The following ELF5 variants were observed in gnomAD, a reference collection of about 807,000 sequenced individuals.
ELF5 encodes the protein ETS-related transcription factor Elf-5.
ELF5 carries 31 observed loss-of-function variants against 38.2 expected under a neutral mutation model. The ratio of observed to expected loss-of-function variants is 0.81; its 90% confidence interval spans 0.61 to 1.10. ELF5 has a LOEUF of 1.10. Among genes scored for constraint, ELF5 ranks in the 50% least tolerant of loss-of-function variants. The pLI is 0.00. For synonymous variants in ELF5, 121 were observed against 112.5 expected, an observed-to-expected ratio of 1.08 and a Z score of -0.48; for missense variants, 300 against 306.6, an observed-to-expected ratio of 0.98 and a Z score of 0.16.
At chr11:34,501,580 C>G (rs968917593) in intron 2 of ELF5, among the ~76,000 whole-genome samples, 23 of 152,114 alleles carry the variant, frequency 1.5e-4, no homozygotes, top group East Asian at 7.7e-4. Flanking sequence ...AGCCTCCCCC[C>G]CAACCAACTC....
chr11:34,508,383 A>G (rs1014550838), intron 1 of ELF5, among the ~76,000 whole-genome samples: 23 of 152,132 alleles, frequency 1.5e-4, no homozygotes, highest in Non-Finnish European at 2.6e-4. Flanking sequence ...CATGCCTGCA[A>G]TCCCAGCTAC....
intron 1 of ELF5, among the ~76,000 whole-genome samples, chr11:34,507,246 G>GTC (rs1850633846): frequency 3.3e-5 from 5 of 152,208 alleles, no homozygotes; most frequent in Non-Finnish European, 1.5e-5. Context: ...GACGAGTGTG[G>GTC]ACCTGTGGTA....
At chr11:34,497,389 C>T (rs1475624145) in intron 2 of ELF5, among the ~76,000 whole-genome samples, 1 of 152,182 alleles carries the variant, frequency 6.6e-6, no homozygotes, top group African/African-American at 2.4e-5. Context: ...GCAGCAGGCT[C>T]TGCCAGCTCC....
rs762362520 is a variant in ELF5 at position 34,480,843 on chromosome 11, G to A, written c.600C>T (p.Ala200=). 1.2e-5 allele frequency: 19 copies of A among 1,613,858 alleles called. No individual in the cohort carries two copies. In the South Asian group the frequency reaches 1.6e-4, roughly 14 times the overall value. Reference sequence around the variant, plus strand: ...TCCTTTGTCCCCACATCTTTGCCAGGGCTTCCGATTTAACCACCCGAAAAA... The same window carrying A: ...TCCTTTGTCCCCACATCTTTGCCAGAGCTTCCGATTTAACCACCCGAAAAA... The part of the protein sequence containing the change: ...QGIFRVVKSE[A]LAKMWGQRKK... Residue 200 remains alanine, a synonymous_variant, in exon 6 of 7, where the codon GCC becomes GCT. Transcript: ENST00000257832.
At chr11:34,509,980 A>G (rs1369879862) in intron 1 of ELF5, among the ~76,000 whole-genome samples, 3 of 152,222 alleles carry the variant, frequency 2.0e-5, no homozygotes, top group Admixed American at 2.0e-4. Flanking sequence ...ATTGCTCTCA[A>G]AAGTCATTGG....
chr11:34,500,985 T>C (rs1273522194), intron 2 of ELF5, among the ~76,000 whole-genome samples: 1 of 152,198 alleles, frequency 6.6e-6, no homozygotes, highest in African/African-American at 2.4e-5. Flanking sequence ...GCTAAATTAT[T>C]TGTGCTTTCT....
intron 3 of ELF5, chr11:34,492,116 C>T (rs1345432053): frequency 6.6e-6 from 1 of 152,242 alleles, no homozygotes; most frequent in Non-Finnish European, 1.5e-5. Context: ...TAAATGGAGT[C>T]CCAAGCTCCT....
chr11:34,511,008 T>G (rs543110132), intron 1 of ELF5, among the ~76,000 whole-genome samples: 4 of 152,014 alleles, frequency 2.6e-5, no homozygotes, highest in Non-Finnish European at 5.9e-5. Flanking sequence ...CTCTTGCCCC[T>G]CTCCAAATCT....
At chr11:34,488,849 C>T (rs2133878902) in intron 4 of ELF5, among the ~76,000 whole-genome samples, 1 of 152,310 alleles carries the variant, frequency 6.6e-6, no homozygotes, top group Admixed American at 6.5e-5. Flanking sequence ...AGTAATGTCT[C>T]CCAGGCTTCA....
intron 4 of ELF5, among the ~76,000 whole-genome samples, chr11:34,486,337 G>A (rs1849996625): frequency 6.6e-6 from 1 of 152,096 alleles, no homozygotes; most frequent in East Asian, 1.9e-4. Flanking sequence ...GACAGGTGGA[G>A]AGAAGAGACC....
chr11:34,487,772 G>A (rs1164738143), intron 4 of ELF5, among the ~76,000 whole-genome samples: 1 of 152,014 alleles, frequency 6.6e-6, no homozygotes, highest in Non-Finnish European at 1.5e-5. Flanking sequence ...AATCTGAGCG[G>A]TTCAAGATGG....
At chr11:34,497,359 C>T (rs766895242) in intron 2 of ELF5, among the ~76,000 whole-genome samples, 2 of 152,158 alleles carry the variant, frequency 1.3e-5, no homozygotes, top group Non-Finnish European at 2.9e-5. Flanking sequence ...ATCTGAATGC[C>T]CATAGGTCAC....
At chr11:34,490,193 T>G in intron 3 of ELF5, 134 bp from the exon 4 acceptor site, 1 of 930,186 alleles carries the variant, frequency 1.1e-6, no homozygotes, top group Non-Finnish European at 1.7e-6. Context: ...GAGGGAACCT[T>G]GGAGACCATC....
chr11:34,501,175 C>T (rs1850457825), intron 2 of ELF5, among the ~76,000 whole-genome samples: 1 of 152,140 alleles, frequency 6.6e-6, no homozygotes, highest in Non-Finnish European at 1.5e-5. Context: ...CTGTGCTCTA[C>T]CGTCTTCAGA....
In ELF5 at chr11:34,505,833, C is replaced by T. The variant is rs73438743; in HGVS notation, c.-4-80G>A. 808 of 1,480,974 alleles carry T rather than the reference C, an allele frequency of 5.5e-4. 3 individuals are homozygous for T. In the African/African-American group the frequency reaches 9.6e-3, roughly 18 times the overall value. 91.7% of individuals were successfully genotyped at this position (1,480,974 alleles called of 1,614,324 possible). On this transcript the variant is annotated intron_variant, in intron 1 of 6. Coordinates refer to ENST00000257832, the MANE Select transcript of ELF5 (RefSeq NM_001422.4). ...CACTGTGCAGGAGCCCCTAGCAGGG[C>T]GATACTTGTTTTTTAAAAATGATAA...
chr11:34,478,915 A>G lies in ELF5; in HGVS notation c.*1303T>C, dbSNP rs975871811. 9 of 152,608 alleles carry G rather than the reference A, an allele frequency of 5.9e-5. No homozygotes were observed. Among genetic ancestry groups the G allele is most frequent in the Non-Finnish European group, 1.0e-4 (7 of 68,024 alleles). The allele number at this position is 152,608 out of a possible 1,614,324, so 9.5% of individuals were successfully genotyped here. The stretch of plus-strand genomic sequence containing the variant: ...TTAAAACAAGTTACTTTGAAGTTCA[A>G]CTCTAATAAGGAGGTCTTCAGCCTG... On this transcript the variant is annotated 3_prime_UTR_variant, in exon 7 of 7. Transcript: ENST00000257832.
Position 34,505,628 on chromosome 11 carries a change from C to A in ELF5, c.121+1G>T. The A allele has an allele frequency of 6.2e-7, 1 of 1,613,842 alleles. No individual in the cohort carries two copies. The stretch of plus-strand genomic sequence containing the variant: ...AGATGGGCTCCTTCAAATGTACGCA[C>A]CTGTCTGATGCTCAAAGGCAGGGTA... On this transcript the variant is annotated splice_donor_variant, in intron 2 of 6. Transcript: ENST00000257832. LOFTEE classifies it high-confidence loss of function.
intron 2 of ELF5, among the ~76,000 whole-genome samples, chr11:34,502,572 C>A (rs1166957143): frequency 6.6e-6 from 1 of 152,262 alleles, no homozygotes; most frequent in Admixed American, 6.5e-5. Flanking sequence ...GGTGCCCAGG[C>A]AGCTCCAAGA....
intron 1 of ELF5, among the ~76,000 whole-genome samples, chr11:34,510,412 A>G (rs560484290): frequency 2.0e-4 from 30 of 151,852 alleles, no homozygotes; most frequent in African/African-American, 6.5e-4. Context: ...TAGGTGTGAG[A>G]GTTCAAGAAT....
Sources: gnomAD v4.1 joint callset for allele counts (sites outside exome capture counted in the v4.1 genomes callset) on GRCh38, gnomAD v4.1.1 for gene constraint, MANE v1.5 for transcripts, NCBI Gene and HGNC (gene_info 2026-07-23, HGNC 2026-07-21) for gene names.